Variants in CSMD1 observed in about 807,000 individuals in gnomAD.
The protein encoded by CSMD1 is CUB and Sushi multiple domains 1, also known as CUB and sushi domain-containing protein 1.
A neutral mutation model predicts 417.5 loss-of-function variants in CSMD1; 213 were observed. The ratio of observed to expected loss-of-function variants is 0.51; its 90% CI spans 0.46 to 0.57. CSMD1 has a LOEUF of 0.57. Ranked by LOEUF, CSMD1 falls within the 20% of genes least tolerant of loss-of-function variation. CSMD1 has a pLI of 0.00. For synonymous variants in CSMD1, 2,862 were observed against 1,736.8 expected, an observed-to-expected ratio of 1.65 and a Z score of -16.11; for missense variants, 6,923 against 4,529.7, an observed-to-expected ratio of 1.53 and a Z score of -15.17.
At chr8:4,274,254 C>T (rs1483312147) in intron 3 of CSMD1, among the ~76,000 whole-genome samples, 2 of 152,160 alleles carry the variant, frequency 1.3e-5, no homozygotes, top group Admixed American at 6.6e-5. Context: ...TTTATTAACA[C>T]TATACTTCTT....
chr8:4,480,815 G>A (rs900721133), intron 2 of CSMD1, among the ~76,000 whole-genome samples: 8 of 152,120 alleles, frequency 5.3e-5, no homozygotes, highest in African/African-American at 1.7e-4. Flanking sequence ...GTTTCCTGAG[G>A]CCGACTGCCA....
intron 3 of CSMD1, among the ~76,000 whole-genome samples, chr8:4,173,881 G>C (rs1797897702): frequency 2.6e-5 from 4 of 152,132 alleles, no homozygotes; most frequent in Admixed American, 1.3e-4. Flanking sequence ...GGTTTGAAGT[G>C]GCAGCTGAAG....
intron 5 of CSMD1, among the ~76,000 whole-genome samples, chr8:3,846,907 T>G (rs1460810960): frequency 6.6e-6 from 1 of 152,150 alleles, no homozygotes; most frequent in African/African-American, 2.4e-5. Context: ...ACTCCTGACC[T>G]TAGGTGATCC....
rs1233892537 is a variant in CSMD1, at chr8:4,294,635, T to A, written c.415+125318A>T. ...CCCTGAACATTCCAGAACAACTTGA[T>A]AGAAAGTTATATTCATGTTTCTTGG... On this transcript the variant is annotated intron_variant, in intron 3 of 69. Coordinates refer to ENST00000635120, the MANE Select transcript of CSMD1 (RefSeq NM_033225.6). Among the ~76,000 whole-genome samples, 5 of 152,254 alleles carry A rather than the reference T, an allele frequency of 3.3e-5. No individual in the cohort carries two copies. The East Asian group carries it at 9.7e-4, about 29-fold the overall frequency.
chr8:4,033,931 A>C (rs540523056), intron 3 of CSMD1, among the ~76,000 whole-genome samples: 1 of 152,352 alleles, frequency 6.6e-6, no homozygotes, highest in East Asian at 1.9e-4. Flanking sequence ...GTTTAAATTT[A>C]GTATGTCATC....
intron 1 of CSMD1, among the ~76,000 whole-genome samples, chr8:4,826,714 G>C (rs1232657552): frequency 6.6e-6 from 1 of 151,988 alleles, no homozygotes; most frequent in African/African-American, 2.4e-5. Flanking sequence ...TCTGCCTTTC[G>C]TGACCCTCAT....
chr8:3,947,365 T>A (rs1327769790), intron 5 of CSMD1, among the ~76,000 whole-genome samples: 1 of 152,228 alleles, frequency 6.6e-6, no homozygotes, highest in Non-Finnish European at 1.5e-5. Flanking sequence ...AATCTCGTAT[T>A]CCTGAAAGTG....
chr8:3,852,538 G>C (rs2930356), intron 5 of CSMD1, among the ~76,000 whole-genome samples: 55,101 of 151,956 alleles, frequency 0.36, 11,269 homozygotes, highest in African/African-American at 0.54. Flanking sequence ...AGTAGATGGT[G>C]TTAGGGATTG....
intron 2 of CSMD1, among the ~76,000 whole-genome samples, chr8:4,560,327 A>ATGTAT (rs746230619): frequency 1.7e-4 from 26 of 152,230 alleles, no homozygotes; most frequent in Non-Finnish European, 1.9e-4. Context: ...AGGATACAGC[A>ATGTAT]CGTGGTCTCC....
At position 3,137,545 on chromosome 8, in the gene CSMD1, C is replaced by T. The variant is rs1022198721; in HGVS notation, c.6241+4920G>A. ...TGTTTTCAGTAAGGCATCCTTTAAA[C>T]ATAGAAATACAGTTGTCCCTTGGCT... On this transcript the variant is annotated intron_variant, in intron 41 of 69. Coordinates refer to ENST00000635120, the MANE Select transcript of CSMD1 (RefSeq NM_033225.6). 6.0e-4 allele frequency among the ~76,000 whole-genome samples: 91 copies of T among 152,302 alleles called. 1 individual carries two copies. The highest frequency in any genetic ancestry group is 2.1e-3 in the African/African-American group (89 of 41,576).
At chr8:2,999,845 T>C (rs763873006) in intron 53 of CSMD1, 113 bp downstream of exon 53, 1 of 917,116 alleles carries the variant, frequency 1.1e-6, no homozygotes, top group Non-Finnish European at 1.6e-6. Flanking sequence ...AACTGAAAGT[T>C]TGCTGTTCCC....
At chr8:4,742,291 A>C (rs959904573) in intron 1 of CSMD1, among the ~76,000 whole-genome samples, 1 of 151,470 alleles carries the variant, frequency 6.6e-6, no homozygotes, top group African/African-American at 2.4e-5. Flanking sequence ...CGGCCTCCCA[A>C]AGTGCTGAGA....
intron 5 of CSMD1, among the ~76,000 whole-genome samples, chr8:3,902,985 TTTTA>T (rs1459866764): frequency 3.3e-5 from 5 of 152,242 alleles, no homozygotes; most frequent in African/African-American, 4.8e-5. Flanking sequence ...ACATGCATTG[TTTTA>T]TTCTTTCTAG....
intron 49 of CSMD1, among the ~76,000 whole-genome samples, chr8:3,059,623 C>T (rs566136479): frequency 5.3e-5 from 8 of 152,156 alleles, no homozygotes; most frequent in Admixed American, 2.0e-4. Context: ...CATTTGTGAC[C>T]TGATAAAACC....
intron 5 of CSMD1, among the ~76,000 whole-genome samples, chr8:3,822,168 T>C (rs984257603): frequency 1.3e-5 from 2 of 152,186 alleles, no homozygotes; most frequent in Non-Finnish European, 1.5e-5. Flanking sequence ...GAGCCAACCC[T>C]TGAATCGTTT....
intron 2 of CSMD1, among the ~76,000 whole-genome samples, chr8:4,635,001 A>T (rs1345494162): frequency 6.6e-5 from 10 of 152,194 alleles, no homozygotes; most frequent in African/African-American, 2.4e-4. Flanking sequence ...ACGTATGCGG[A>T]TAGGAGGAAG....
chr8:2,957,414 G>C (rs914728281), intron 63 of CSMD1, among the ~76,000 whole-genome samples: 2 of 152,056 alleles, frequency 1.3e-5, no homozygotes, highest in Admixed American at 6.6e-5. Context: ...AGAATCTCCT[G>C]GAGCGCTTGT....
In CSMD1 at chr8:4,230,773, G is replaced by T. The variant is rs147309762; in HGVS notation, c.415+189180C>A. On this transcript the variant is annotated intron_variant, in intron 3 of 69. Transcript: ENST00000635120. ...AAATAAATTCTATCAGTTTTTTTTT[G>T]ACTTTCAAGTAATTTTTACCTCTCA... 1.2e-3 allele frequency among the ~76,000 whole-genome samples: 184 copies of T among 149,842 alleles called. 1 individual carries two copies. The highest frequency in any genetic ancestry group is 4.2e-3 in the African/African-American group (170 of 40,744).
chr8:4,724,112 T>C (rs1322041761), intron 1 of CSMD1, among the ~76,000 whole-genome samples: 3 of 152,212 alleles, frequency 2.0e-5, no homozygotes, highest in Non-Finnish European at 4.4e-5. Flanking sequence ...ATTTGTCATT[T>C]TCCTGTAAGA....
Sources: gnomAD v4.1 joint callset for allele counts (sites outside exome capture counted in the v4.1 genomes callset) on GRCh38, gnomAD v4.1.1 for gene constraint, MANE v1.5 for transcripts, NCBI Gene and HGNC (gene_info 2026-07-23, HGNC 2026-07-21) for gene names.